Variants in WDR44 observed in about 807,000 individuals in gnomAD.
WDR44 encodes WD repeat domain 44, also known as WD repeat-containing protein 44.
WDR44 carries 9 observed loss-of-function variants against 65.7 expected under a neutral mutation model. That is an observed-to-expected ratio of 0.14 (90% CI 0.08 to 0.24). The LOEUF (loss-of-function observed/expected upper bound fraction) is 0.24. Among genes scored for constraint, WDR44 ranks in the 10% least tolerant of loss-of-function variants. WDR44 has a pLI of 1.00. For synonymous variants in WDR44, 220 were observed against 235.2 expected (o/e 0.94, Z 0.59); for missense variants, 425 against 670.9 (o/e 0.63, Z 4.05).
Position 118,404,132 on chromosome X carries a change from G to A in WDR44, c.1275-206G>A, listed in dbSNP as rs147452315. 5.7e-3 allele frequency among the ~76,000 whole-genome samples: 635 copies of A among 112,102 alleles called. 9 individuals are homozygous for A. Among genetic ancestry groups the A allele is most frequent in the African/African-American group, 0.018 (562 of 30,971 alleles). On this transcript the variant is annotated intron_variant, in intron 8 of 19. Transcript: ENST00000254029. ...GAATATATGAATATTGTAAATTGGGGGAAAGGGTGTATGTTTCCTTTGCCA... is the reference window on the plus strand; with the variant it reads ...GAATATATGAATATTGTAAATTGGGAGAAAGGGTGTATGTTTCCTTTGCCA...
rs748709772 is a variant in WDR44, at chrX:118,434,167, C to T, written c.1851+1273C>T. On this transcript the variant is annotated intron_variant, in intron 13 of 19. Transcript: ENST00000254029. The stretch of plus-strand genomic sequence containing the variant: ...AATTTTTTATACTTTCCGTTTTATA[C>T]TTTATTTCCATTCTATCTCTTAGGA... Among the ~76,000 whole-genome samples the T allele has an allele frequency of 1.1e-4, 12 of 112,165 alleles. No homozygotes were observed. In the South Asian group the frequency reaches 4.0e-3, roughly 38 times the overall value.
chrX:118,398,345 A>G, intron 7 of WDR44, 42 bp from the exon 8 acceptor site: 2 of 1,124,128 alleles, frequency 1.8e-6, no homozygotes, highest in Non-Finnish European at 2.4e-6. Flanking sequence ...TAAGAAGTAT[A>G]GAAGAAATGG....
chrX:118,435,829 G>A (rs767771707), intron 13 of WDR44, among the ~76,000 whole-genome samples: 12 of 112,016 alleles, frequency 1.1e-4, no homozygotes, highest in African/African-American at 3.9e-4. Context: ...TTGAAAACAG[G>A]TATACCACAA....
chrX:118,445,815 G>T lies in WDR44; in HGVS notation c.2647+1321G>T, dbSNP rs764579440. The stretch of plus-strand genomic sequence containing the variant: ...GAGACCAAGGCAGGCGGATTATGAG[G>T]TTGAGAGTTCGAGACCATCCTGGCC... On this transcript the variant is annotated intron_variant, in intron 19 of 19. Transcript: ENST00000254029. Among the ~76,000 whole-genome samples, 495 of 111,438 alleles carry T rather than the reference G, an allele frequency of 4.4e-3. 1 individual carries two copies. Among genetic ancestry groups the T allele is most frequent in the African/African-American group, 0.015 (465 of 30,677 alleles).
At position 118,346,561 on chromosome X, in the gene WDR44, G is replaced by A. The variant is rs762807889; in HGVS notation, c.58G>A (p.Gly20Arg). The change falls in exon 1 of 20, where the codon GGG becomes AGG. Residue 20 changes from glycine to arginine, a missense_variant. This residue lies in a region of WDR44 where 193 missense variants were observed against 209.0 expected (regional missense o/e 0.92). Coordinates refer to ENST00000254029, the MANE Select transcript of WDR44 (RefSeq NM_019045.5). ...TGATGCCCCTGAAGATGTGCACCTA[G>A]GGGGCGGCTACCCCGTGGGGTAAGT... Reference protein sequence around the residue: ...FYDAPEDVHLGGGYPVGSPGK... With the variant: ...FYDAPEDVHLRGGYPVGSPGK... The A allele has an allele frequency of 8.4e-7, 1 of 1,196,664 alleles. No individual in the cohort carries two copies. Among genetic ancestry groups the A allele is most frequent in the Non-Finnish European group, 1.1e-6 (1 of 887,273 alleles).
At chrX:118,393,792 A>G (rs1178786641) in intron 4 of WDR44, among the ~76,000 whole-genome samples, 2 of 111,885 alleles carry the variant, frequency 1.8e-5, no homozygotes, top group Non-Finnish European at 3.8e-5. Flanking sequence ...ACTTCAGCAG[A>G]CTTCAAACTT....
intron 18 of WDR44, among the ~76,000 whole-genome samples, chrX:118,443,893 A>G (rs930178019): frequency 5.1e-4 from 57 of 110,896 alleles, no homozygotes; most frequent in African/African-American, 1.8e-3. Context: ...AAATACAAAA[A>G]AAATTAGCCG....
chrX:118,363,625 T>C (rs1346578800), intron 1 of WDR44, among the ~76,000 whole-genome samples: 1 of 111,126 alleles, frequency 9.0e-6, no homozygotes, highest in Non-Finnish European at 1.9e-5. Flanking sequence ...GTTAATGTGG[T>C]AAGTGACAGG....
At chrX:118,350,759 CTT>C (rs1442072637) in intron 1 of WDR44, among the ~76,000 whole-genome samples, 1 of 111,409 alleles carries the variant, frequency 9.0e-6, no homozygotes, top group African/African-American at 3.3e-5. Flanking sequence ...TTTCAGCACT[CTT>C]TTTTTTAGTG....
rs188019044 is a variant in WDR44, at chrX:118,437,995, C to T, written c.1974+1171C>T. 7.2e-4 allele frequency among the ~76,000 whole-genome samples: 78 copies of T among 107,931 alleles called. 1 individual carries two copies. The East Asian group carries it at 0.021, about 29-fold the overall frequency. The allele number at this position is 107,931 out of a possible 115,157, so 93.7% of individuals were successfully genotyped here. A position where few individuals can be genotyped will look rare whatever the true frequency, so the allele number is the denominator to read the frequency against. ...AGGCTGCAGTGAGCTGAGATCGCGC[C>T]AGCCTGGGCAATAGAGCGAGACTCT... On this transcript the variant is annotated intron_variant, in intron 14 of 19. Transcript: ENST00000254029.
At chrX:118,419,894 A>G (rs922147272) in intron 12 of WDR44, among the ~76,000 whole-genome samples, 5 of 111,849 alleles carry the variant, frequency 4.5e-5, no homozygotes, top group African/African-American at 1.6e-4. Context: ...TATTTTCATC[A>G]TTCACCCACA....
In WDR44 at chrX:118,398,515, A is replaced by T. The variant is rs777458762; in HGVS notation, c.1274+45A>T. ...TTTTCTTCATTTCAAGTTTTTATTT[A>T]AAAAAATATGAGAACTACCATACTA... On this transcript the variant is annotated intron_variant, in intron 8 of 19. Coordinates refer to ENST00000254029, the MANE Select transcript of WDR44 (RefSeq NM_019045.5). 5.0e-5 allele frequency: 52 copies of T among 1,039,580 alleles called. No individual in the cohort carries two copies. The Admixed American group carries it at 1.1e-3, about 22-fold the overall frequency. The allele number at this position is 1,039,580 out of a possible 1,213,427, so 85.7% of individuals were successfully genotyped here. A position where few individuals can be genotyped will look rare whatever the true frequency, so the allele number is the denominator to read the frequency against.
intron 12 of WDR44, among the ~76,000 whole-genome samples, chrX:118,425,206 G>A (rs1471424491): frequency 8.9e-6 from 1 of 111,965 alleles, no homozygotes; most frequent in Non-Finnish European, 1.9e-5. Flanking sequence ...TAGAGATGTC[G>A]ATGCGGGGAT....
Position 118,368,712 on chromosome X carries a change from CT to C in WDR44, c.78-9685del, listed in dbSNP as rs57659623. Among the ~76,000 whole-genome samples, 116 of 70,810 alleles carry C rather than the reference CT, an allele frequency of 1.6e-3. 1 individual carries two copies. The highest frequency in any genetic ancestry group is 5.8e-3 in the East Asian group (12 of 2,079). The allele number at this position is 70,810 out of a possible 115,157, so 61.5% of individuals were successfully genotyped here. ...TGAAGTAGCAATCCACATACTCTTC[CT>C]TTTTTTTTTTTTTTTTTTTTTGGAG... On this transcript the variant is annotated intron_variant, in intron 1 of 19. Coordinates refer to ENST00000254029, the MANE Select transcript of WDR44 (RefSeq NM_019045.5).
intron 5 of WDR44, 70 bp downstream of exon 5, chrX:118,394,255 T>G: frequency 8.5e-7 from 1 of 1,173,755 alleles, no homozygotes; most frequent in Non-Finnish European, 1.1e-6. Context: ...TTGTTGATGA[T>G]TATTCTGTAT....
chrX:118,438,795 A>ATTTTTTTTTTTTTTT (rs2057276055), intron 14 of WDR44, among the ~76,000 whole-genome samples: 15 of 62,532 alleles, frequency 2.4e-4, no homozygotes, highest in East Asian at 5.7e-4. Context: ...CTGTTCAGCC[A>ATTTTTTTTTTTTTTT]TGTTTTTTTT....
chrX:118,392,375 G>T (rs1376774105), intron 3 of WDR44, among the ~76,000 whole-genome samples: 1 of 111,993 alleles, frequency 8.9e-6, no homozygotes, highest in African/African-American at 3.2e-5. Flanking sequence ...ATAGATGCTG[G>T]AATCAAACTC....
chrX:118,348,043 T>TTG lies in WDR44; in HGVS notation c.77+1473_77+1474dup, dbSNP rs1381975949. On this transcript the variant is annotated intron_variant, in intron 1 of 19. Coordinates refer to ENST00000254029, the MANE Select transcript of WDR44 (RefSeq NM_019045.5). ...TGAGACACCAAGTCCTTTGGTACTT[T>TTG]TGTGTGTGTGTATTGGGGTGGGGGA... Among the ~76,000 whole-genome samples, 4 of 111,425 alleles carry TTG rather than the reference T, an allele frequency of 3.6e-5. No individual in the cohort carries two copies. In the South Asian group the frequency reaches 1.5e-3, roughly 42 times the overall value.
chrX:118,376,300 A>G (rs1487795852), intron 1 of WDR44, among the ~76,000 whole-genome samples: 2 of 111,648 alleles, frequency 1.8e-5, no homozygotes, highest in Non-Finnish European at 3.8e-5. Context: ...TTTTTAACAA[A>G]TTAAGTTTTT....
Sources: allele counts gnomAD v4.1 joint callset (sites outside exome capture counted in the v4.1 genomes callset), GRCh38; gene constraint gnomAD v4.1.1; regional missense constraint gnomAD v4.1.1; transcripts MANE v1.5; gene names NCBI Gene and HGNC (gene_info 2026-07-23, HGNC 2026-07-21).